ZNF91: variants seen among roughly 807,000 people sequenced by gnomAD.
The protein encoded by ZNF91 is zinc finger protein 91 (HPF7, HTF10).
Under a neutral mutation model 12.6 loss-of-function variants are expected in ZNF91, and 7 were observed. That is an observed-to-expected ratio of 0.55 (90% CI 0.31 to 1.04). The LOEUF is 1.04. Among genes scored for constraint, ZNF91 ranks in the 50% least tolerant of loss-of-function variants. The probability of loss-of-function intolerance (pLI) is 0.05; values close to 1 mark genes in which losing one functional copy is unlikely to be tolerated. For missense variants in ZNF91, 1,217 were observed against 1,385.4 expected (o/e 0.88, Z 1.93); for synonymous variants, 453 against 462.6 (o/e 0.98, Z 0.27).
Position 23,359,499 on chromosome 19 carries a change from A to C in ZNF91, c.3480T>G (p.Pro1160=), listed in dbSNP as rs1346279061. The change falls in exon 4 of 4, where the codon CCT becomes CCG. Residue 1160 remains proline (P), a synonymous_variant. Coordinates refer to ENST00000300619, the MANE Select transcript of ZNF91 (RefSeq NM_003430.4). ...CGGCCTCCCAAAGTAGTGGGATTAC[A>C]GGTGTGATAGTATGAATTTTCTTAT... ...TNHKKIHTIT[P]VIPLLWEAEA... The C allele has an allele frequency of 6.2e-7, 1 of 1,613,450 alleles. No homozygotes were observed. The highest frequency in any genetic ancestry group is 1.1e-5 in the South Asian group (1 of 91,064).
intron 3 of ZNF91, among the ~76,000 whole-genome samples, chr19:23,373,376 A>G (rs556444997): frequency 9.2e-5 from 8 of 86,522 alleles, no homozygotes; most frequent in African/African-American, 3.3e-4. Context: ...ATATATATAT[A>G]TATATATATA....
chr19:23,359,529 A>T lies in ZNF91; in HGVS notation c.3450T>A (p.Thr1150=). The change falls in exon 4 of 4, where the codon ACT becomes ACA. Residue 1150 remains threonine (T), a synonymous_variant. Transcript: ENST00000300619. ...TGATAGTATGAATTTTCTTATGGTTAGTAAGGATTGAAGACTGGTTAAAGG... is the reference window on the plus strand; with the variant it reads ...TGATAGTATGAATTTTCTTATGGTTTGTAAGGATTGAAGACTGGTTAAAGG... The part of the protein sequence containing the change: ...GKAFNQSSIL[T]NHKKIHTITP... The T allele has an allele frequency of 6.2e-7, 1 of 1,614,002 alleles. No homozygotes were observed. Among genetic ancestry groups the T allele is most frequent in the Non-Finnish European group, 8.5e-7 (1 of 1,179,918 alleles).
chr19:23,351,727 G>A (rs1401244884), intron 3 of ZNF91, among the ~76,000 whole-genome samples: 3 of 152,140 alleles, frequency 2.0e-5, no homozygotes, highest in Non-Finnish European at 4.4e-5. Context: ...TATCTTCAAA[G>A]GCATTAGGAT....
rs536441964 is a variant in ZNF91, at chr19:23,306,423, T to C, written n.277+893A>G. Among the ~76,000 whole-genome samples the C allele has an allele frequency of 3.3e-5, 5 of 152,360 alleles. No individual in the cohort carries two copies. The South Asian group carries it at 6.2e-4, about 19-fold the overall frequency. The stretch of plus-strand genomic sequence containing the variant: ...TCAGCCCCTAGGTGATATTACCCTA[T>C]TCTTCTGCTTTAGCGCTGCTCACAG... On this transcript the variant is annotated intron_variant and non_coding_transcript_variant, in intron 3 of 3. Transcript: ENST00000593292.
Position 23,361,205 on chromosome 19 carries a change from G to A in ZNF91, c.1774C>T (p.His592Tyr). 1.2e-6 allele frequency: 2 copies of A among 1,613,496 alleles called. No homozygotes were observed. Among genetic ancestry groups the A allele is most frequent in the Non-Finnish European group, 1.7e-6 (2 of 1,179,774 alleles). Residue 592 changes from histidine (H) to tyrosine (Y), a missense_variant, in exon 4 of 4, where the codon CAT (histidine) becomes TAT (tyrosine). His to Tyr is a moderately conservative substitution (Grantham distance 83). Transcript: ENST00000300619. ...AFNHSSSLST[H>Y]KIIHTGEKSY... ...TTCTCTCCAGTATGAATTATCTTAT[G>A]TGTAGAAAGACTTGAGGAATGATTA...
intron 3 of ZNF91, among the ~76,000 whole-genome samples, chr19:23,347,186 C>T (rs1393016277): frequency 1.3e-5 from 2 of 152,118 alleles, no homozygotes; most frequent in Admixed American, 1.3e-4. Context: ...ACTCATCACC[C>T]TCATTCGAGC....
At position 23,378,650 on chromosome 19, in the gene ZNF91, TTTTG is replaced by T. The variant is rs538915225; in HGVS notation, c.31-3890_31-3887del. ...GCATAAAAAATACAAATAATAACTT[TTTTG>T]TTTATTAATATATGTTCAGGTGTAG... On this transcript the variant is annotated intron_variant, in intron 1 of 3. Transcript: ENST00000300619. Among the ~76,000 whole-genome samples, 670 of 152,300 alleles carry T rather than the reference TTTTG, an allele frequency of 4.4e-3. 4 individuals carry two copies. Among genetic ancestry groups the T allele is most frequent in the African/African-American group, 0.015 (642 of 41,564 alleles).
At chr19:23,316,082 G>A (rs1241193337) in intron 1 of ZNF91, among the ~76,000 whole-genome samples, 1 of 152,052 alleles carries the variant, frequency 6.6e-6, no homozygotes, top group Non-Finnish European at 1.5e-5. Context: ...CATCACCTAG[G>A]AGATGTGACA....
intron 1 of ZNF91, among the ~76,000 whole-genome samples, chr19:23,323,181 CCTT>C (rs1242290335): frequency 2.0e-5 from 3 of 146,980 alleles, no homozygotes; most frequent in East Asian, 2.1e-4. Context: ...TTCTCTTCCT[CCTT>C]CTCCTATCCA....
At chr19:23,332,468 CA>C (rs1967942969) in intron 1 of ZNF91, among the ~76,000 whole-genome samples, 1 of 152,104 alleles carries the variant, frequency 6.6e-6, no homozygotes, top group Non-Finnish European at 1.5e-5. Flanking sequence ...TATTAGAACT[CA>C]AACTGTTAAG....
At chr19:23,384,433 C>A in intron 1 of ZNF91, 1 of 307,874 alleles carries the variant, frequency 3.2e-6, no homozygotes, top group Non-Finnish European at 5.9e-6. Flanking sequence ...AAAAATTTGA[C>A]AGTTCCTAAC....
At chr19:23,394,658 G>T (rs1307527776) in intron 1 of ZNF91, among the ~76,000 whole-genome samples, 1 of 152,074 alleles carries the variant, frequency 6.6e-6, no homozygotes, top group Non-Finnish European at 1.5e-5. Flanking sequence ...AACCCGGAAG[G>T]CAGAGGTTGC....
At chr19:23,356,331 A>T (rs184353452), downstream of ZNF91, among the ~76,000 whole-genome samples, 2,626 of 152,178 alleles carry the variant, frequency 0.017, 41 homozygotes, top group Non-Finnish European at 0.027. Context: ...GTGTGTATAT[A>T]TATATAAATA....
intron 3 of ZNF91, among the ~76,000 whole-genome samples, chr19:23,343,304 T>C (rs1012004894): frequency 2.0e-5 from 3 of 152,204 alleles, no homozygotes; most frequent in African/African-American, 7.2e-5. Flanking sequence ...AGATCTGAGA[T>C]GAGACCTGAG....
intron 1 of ZNF91, among the ~76,000 whole-genome samples, chr19:23,383,341 T>C (rs541671350): frequency 1.3e-5 from 2 of 152,280 alleles, no homozygotes; most frequent in East Asian, 3.9e-4. Context: ...AGGTACATGC[T>C]TTAAAATAAG....
chr19:23,363,289 T>C lies in ZNF91; in HGVS notation c.254-564A>G, dbSNP rs1441004153. On this transcript the variant is annotated intron_variant, in intron 3 of 3. Transcript: ENST00000300619. ...AGCTTTTAGGGGCTTTTCCTGACACTGATTTCCCTCTCTCATGACATAAGT... is the reference window on the plus strand; with the variant it reads ...AGCTTTTAGGGGCTTTTCCTGACACCGATTTCCCTCTCTCATGACATAAGT... Among the ~76,000 whole-genome samples, 10 of 152,338 alleles carry C rather than the reference T, an allele frequency of 6.6e-5. No homozygotes were observed. The South Asian group carries it at 2.1e-3, about 32-fold the overall frequency.
intron 3 of ZNF91, among the ~76,000 whole-genome samples, chr19:23,368,210 T>C (rs970954033): frequency 5.3e-5 from 8 of 151,802 alleles, no homozygotes; most frequent in African/African-American, 1.9e-4. Context: ...ATTTTTAATC[T>C]CTTAAACACA....
At position 23,361,847 on chromosome 19, in the gene ZNF91, A is replaced by G. The variant is rs1259640946; in HGVS notation, c.1132T>C (p.Tyr378His). Residue 378 changes from tyrosine (Y) to histidine (H), a missense_variant, in exon 4 of 4, where the codon TAC (tyrosine) becomes CAC (histidine). Physicochemically the swap from Tyr to His is moderately conservative, Grantham distance 83. Transcript: ENST00000300619. ...HKITHTEEKP[Y>H]KCKECDKAFK... ...GCTTTGTCACATTCTTTACATTTGT[A>G]GGGTTTCTCTTCAGTATGAGTTATC... 6.2e-7 allele frequency: 1 copy of G among 1,609,080 alleles called. No individual in the cohort carries two copies. The highest frequency in any genetic ancestry group is 2.2e-5 in the East Asian group (1 of 44,808).
intron 3 of ZNF91, among the ~76,000 whole-genome samples, chr19:23,372,263 C>T (rs1038585602): frequency 1.3e-5 from 2 of 151,672 alleles, no homozygotes; most frequent in African/African-American, 4.8e-5. Flanking sequence ...CTCCTGACAG[C>T]AAGAAAATTT....
Sources: gnomAD v4.1 joint callset for allele counts (sites outside exome capture counted in the v4.1 genomes callset) on GRCh38, gnomAD v4.1.1 for gene constraint, MANE v1.5 for transcripts, NCBI Gene and HGNC (gene_info 2026-07-23, HGNC 2026-07-21) for gene names.